ROBO2: variants seen among roughly 807,000 people sequenced by gnomAD.
ROBO2 encodes roundabout guidance receptor 2, also known as roundabout homolog 2.
Under a neutral mutation model 160.8 loss-of-function variants are expected in ROBO2, and 53 were observed. The ratio of observed to expected loss-of-function variants is 0.33; its 90% confidence interval spans 0.26 to 0.41. The LOEUF (loss-of-function observed/expected upper bound fraction) is 0.41. Ranked by LOEUF, ROBO2 falls within the 10% of genes least tolerant of loss-of-function variation. The pLI is 1.00. For synonymous variants in ROBO2, 664 were observed against 611.7 expected, an observed-to-expected ratio of 1.09 and a Z score of -1.26; for missense variants, 1,577 against 1,722.4, an observed-to-expected ratio of 0.92 and a Z score of 1.49.
intron 2 of ROBO2, among the ~76,000 whole-genome samples, chr3:76,903,855 C>T (rs565861556): frequency 6.2e-4 from 94 of 152,258 alleles, no homozygotes; most frequent in African/African-American, 2.2e-3. Flanking sequence ...GAAACTGAAA[C>T]AGGGTCTGAG....
At chr3:77,254,680 T>C (rs1345823154) in intron 2 of ROBO2, among the ~76,000 whole-genome samples, 1 of 152,216 alleles carries the variant, frequency 6.6e-6, no homozygotes, top group Non-Finnish European at 1.5e-5. Flanking sequence ...CAAACAAGAT[T>C]GAGAAGTTAA....
At chr3:75,934,196 G>T (rs1157332931) in intron 1 of ROBO2, among the ~76,000 whole-genome samples, 1 of 152,146 alleles carries the variant, frequency 6.6e-6, no homozygotes, top group East Asian at 1.9e-4. Flanking sequence ...AAATCTGAAA[G>T]CCTAAGTTTT....
chr3:76,393,292 T>A (rs544045387), intron 2 of ROBO2, among the ~76,000 whole-genome samples: 1 of 152,176 alleles, frequency 6.6e-6, no homozygotes, highest in African/African-American at 2.4e-5. Context: ...AAGTCCCTCA[T>A]TGAACTATGG....
chr3:76,256,454 C>T (rs779693468), intron 2 of ROBO2, among the ~76,000 whole-genome samples: 25 of 151,852 alleles, frequency 1.6e-4, no homozygotes, highest in Non-Finnish European at 2.9e-4. Flanking sequence ...CACCTGTAAT[C>T]CCAGCACTTT....
chr3:75,986,797 CT>C (rs1422728647), intron 2 of ROBO2, among the ~76,000 whole-genome samples: 3 of 151,454 alleles, frequency 2.0e-5, no homozygotes, highest in Admixed American at 1.3e-4. Context: ...ATCCCACCAT[CT>C]TTTTTTATTT....
At chr3:76,712,767 ATT>A (rs916617896) in intron 2 of ROBO2, among the ~76,000 whole-genome samples, 7 of 151,996 alleles carry the variant, frequency 4.6e-5, no homozygotes, top group African/African-American at 1.2e-4. Flanking sequence ...CTATAAAATC[ATT>A]TTCGCCAGCA....
chr3:77,344,125 C>G (rs1452182430), intron 2 of ROBO2, among the ~76,000 whole-genome samples: 2 of 152,124 alleles, frequency 1.3e-5, no homozygotes, highest in Non-Finnish European at 2.9e-5. Flanking sequence ...CTACCGTGAG[C>G]CTCCTTTTAT....
intron 2 of ROBO2, among the ~76,000 whole-genome samples, chr3:77,139,288 T>C (rs960888210): frequency 6.6e-6 from 1 of 152,210 alleles, no homozygotes; most frequent in African/African-American, 2.4e-5. Context: ...CCTTGTATTA[T>C]ACCTCCAAAA....
chr3:76,824,345 C>T (rs1015829273), intron 2 of ROBO2, among the ~76,000 whole-genome samples: 4 of 152,318 alleles, frequency 2.6e-5, no homozygotes, highest in Admixed American at 2.0e-4. Context: ...GATCCACCCA[C>T]CTCAGCCTTC....
chr3:76,218,585 A>T (rs1257409485), intron 2 of ROBO2, among the ~76,000 whole-genome samples: 1 of 152,172 alleles, frequency 6.6e-6, no homozygotes, highest in Non-Finnish European at 1.5e-5. Flanking sequence ...AGAATAAAAT[A>T]CCTAGGAATC....
chr3:77,245,878 A>C (rs141852231), intron 2 of ROBO2, among the ~76,000 whole-genome samples: 137 of 152,336 alleles, frequency 9.0e-4, no homozygotes, highest in Non-Finnish European at 1.4e-3. Flanking sequence ...AAAATTAGAA[A>C]TCACAGTAAG....
In ROBO2 at chr3:77,578,333, T is replaced by G. The variant is rs904361449; in HGVS notation, c.2328+719T>G. Among the ~76,000 whole-genome samples the G allele has an allele frequency of 5.9e-5, 9 of 152,224 alleles. No homozygotes were observed. In the East Asian group the frequency reaches 1.5e-3, roughly 26 times the overall value. On this transcript the variant is annotated intron_variant, in intron 15 of 25. Transcript: ENST00000461745. ...GTGAATGAAAAACCCCTCATTAATCTTTGTAAAATTCAAAACTATAATTTA... is the reference window on the plus strand; with the variant it reads ...GTGAATGAAAAACCCCTCATTAATCGTTGTAAAATTCAAAACTATAATTTA...
chr3:76,285,155 G>T (rs1320609531), intron 2 of ROBO2, among the ~76,000 whole-genome samples: 1 of 152,032 alleles, frequency 6.6e-6, no homozygotes, highest in Admixed American at 6.6e-5. Context: ...ATTATTTCCT[G>T]TATGTGAATT....
At chr3:76,462,523 T>C (rs2078140601) in intron 2 of ROBO2, among the ~76,000 whole-genome samples, 1 of 152,052 alleles carries the variant, frequency 6.6e-6, no homozygotes, top group Non-Finnish European at 1.5e-5. Context: ...AAATGTATTT[T>C]ATGGTGCAAT....
chr3:76,094,421 A>G lies in ROBO2; in HGVS notation c.109+156819A>G, dbSNP rs544807434. 1.3e-3 allele frequency among the ~76,000 whole-genome samples: 192 copies of G among 152,332 alleles called. 1 individual carries two copies. The highest frequency in any genetic ancestry group is 4.3e-3 in the African/African-American group (180 of 41,582). On this transcript the variant is annotated intron_variant, in intron 2 of 26. Transcript: ENST00000487694. ...GTGTTTGAGATTTTGTTTTATTTTC[A>G]AGGATTCACAGTCAATAACGAAATA...
chr3:76,306,665 T>C lies in ROBO2; in HGVS notation c.109+369063T>C, dbSNP rs371906983. ...TTCCCATTATTCTTTGTATTTAATT[T>C]GTAACTAAATTCTTAAGGATATAAG... On this transcript the variant is annotated intron_variant, in intron 2 of 26. Transcript: ENST00000487694. 2.6e-5 allele frequency among the ~76,000 whole-genome samples: 4 copies of C among 152,306 alleles called. No homozygotes were observed. In the East Asian group the frequency reaches 5.8e-4, roughly 22 times the overall value.
intron 2 of ROBO2, among the ~76,000 whole-genome samples, chr3:76,962,569 C>T (rs937347182): frequency 1.3e-4 from 18 of 139,812 alleles, no homozygotes; most frequent in Non-Finnish European, 1.7e-4. Flanking sequence ...ACCTAGGAGG[C>T]GGAGGTTGTG....
chr3:77,544,934 C>T (rs1309555226), intron 6 of ROBO2, among the ~76,000 whole-genome samples: 1 of 152,024 alleles, frequency 6.6e-6, no homozygotes, highest in Non-Finnish European at 1.5e-5. Context: ...TACTGTCTTT[C>T]ACTTTATTCT....
chr3:77,010,728 A>G (rs376755879), intron 2 of ROBO2, among the ~76,000 whole-genome samples: 139 of 152,196 alleles, frequency 9.1e-4, no homozygotes, highest in African/African-American at 3.1e-3. Context: ...AACTAAAACA[A>G]CGCTGGAATC....
Sources: allele counts gnomAD v4.1 joint callset (sites outside exome capture counted in the v4.1 genomes callset), GRCh38; gene constraint gnomAD v4.1.1; transcripts MANE v1.5; gene names NCBI Gene and HGNC (gene_info 2026-07-23, HGNC 2026-07-21).